Variants in GRIK3 observed in about 807,000 individuals in gnomAD.
GRIK3 encodes glutamate receptor ionotropic, kainate 3.
Under a neutral mutation model 102.5 loss-of-function variants are expected in GRIK3, and 29 were observed. The observed-to-expected ratio is 0.28, with a 90% CI of 0.21 to 0.39. The LOEUF (loss-of-function observed/expected upper bound fraction) is 0.39, where lower values mean the gene tolerates loss of function less well. GRIK3 is among the 10% of genes least tolerant of loss of function. The probability of loss-of-function intolerance (pLI) is 1.00; values close to 1 mark genes in which losing one functional copy is unlikely to be tolerated. For synonymous variants in GRIK3, 511 were observed against 504.9 expected (o/e 1.01, Z -0.16); for missense variants, 908 against 1,252.4 (o/e 0.73, Z 4.15).
At chr1:36,816,686 G>A (rs1041353678) in intron 13 of GRIK3, among the ~76,000 whole-genome samples, 10 of 152,158 alleles carry the variant, frequency 6.6e-5, no homozygotes, top group Non-Finnish European at 1.2e-4. Context: ...GAGATGGACG[G>A]CATTGAGGTC....
intron 1 of GRIK3, among the ~76,000 whole-genome samples, chr1:36,903,852 G>C (rs1641256744): frequency 6.6e-6 from 1 of 152,118 alleles, no homozygotes; most frequent in Admixed American, 6.5e-5. Context: ...AGGATTTTTA[G>C]GGCAGTCAAA....
At chr1:36,821,626 A>G (rs2124193800) in intron 11 of GRIK3, among the ~76,000 whole-genome samples, 1 of 152,338 alleles carries the variant, frequency 6.6e-6, no homozygotes, top group Admixed American at 6.5e-5. Context: ...CCTGGACCAG[A>G]TGGACCCATG....
chr1:36,803,518 C>T (rs1001539530), intron 15 of GRIK3, among the ~76,000 whole-genome samples: 1 of 152,196 alleles, frequency 6.6e-6, no homozygotes, highest in Non-Finnish European at 1.5e-5. Flanking sequence ...GCAACCTCCA[C>T]CTCCTGGGTT....
At chr1:36,802,073 GA>G in intron 15 of GRIK3, 28 bp from the exon 16 acceptor site, 5 of 1,549,458 alleles carry the variant, frequency 3.2e-6, no homozygotes, top group Non-Finnish European at 4.4e-6. Context: ...AGAGGGGTCG[GA>G]AAAGGGGCAC....
At chr1:36,900,984 A>G (rs1030146745) in intron 1 of GRIK3, among the ~76,000 whole-genome samples, 11 of 152,248 alleles carry the variant, frequency 7.2e-5, no homozygotes, top group Non-Finnish European at 1.2e-4. Flanking sequence ...GTCAAAATTC[A>G]TGCAAGAAGA....
chr1:37,004,854 T>C (rs1642515595), intron 1 of GRIK3, among the ~76,000 whole-genome samples: 1 of 152,220 alleles, frequency 6.6e-6, no homozygotes, highest in Admixed American at 6.5e-5. Flanking sequence ...GACCGCTGTG[T>C]TCCCACCTGC....
chr1:36,866,162 G>A (rs759037941), intron 5 of GRIK3, among the ~76,000 whole-genome samples: 3 of 152,248 alleles, frequency 2.0e-5, no homozygotes, highest in Non-Finnish European at 4.4e-5. Flanking sequence ...TTACTGGTGT[G>A]AGCCACAATG....
At chr1:36,902,854 A>G (rs1641246745) in intron 1 of GRIK3, among the ~76,000 whole-genome samples, 1 of 152,048 alleles carries the variant, frequency 6.6e-6, no homozygotes, top group South Asian at 2.1e-4. Context: ...CAGTGGTACA[A>G]CCTTGGCTCA....
At chr1:36,965,053 G>A (rs781418291) in intron 1 of GRIK3, among the ~76,000 whole-genome samples, 3 of 152,180 alleles carry the variant, frequency 2.0e-5, no homozygotes, top group African/African-American at 4.8e-5. Context: ...GCCCAGTGCC[G>A]TGGAGTGGAA....
At chr1:36,961,621 G>A (rs543287350) in intron 1 of GRIK3, among the ~76,000 whole-genome samples, 88 of 152,334 alleles carry the variant, frequency 5.8e-4, no homozygotes, top group Admixed American at 1.1e-3. Context: ...TCTGTGAGAC[G>A]GGAGGGCTCA....
chr1:36,917,708 T>C (rs756676080), intron 1 of GRIK3, among the ~76,000 whole-genome samples: 2 of 152,278 alleles, frequency 1.3e-5, no homozygotes, highest in Non-Finnish European at 2.9e-5. Flanking sequence ...TGTAAGTCCA[T>C]TAAACCTCTT....
intron 10 of GRIK3, among the ~76,000 whole-genome samples, chr1:36,839,055 TC>T (rs1393188392): frequency 6.6e-6 from 1 of 152,164 alleles, no homozygotes; most frequent in Non-Finnish European, 1.5e-5. Context: ...GCTTCTCTGA[TC>T]ACATTCCCTT....
In GRIK3 at chr1:36,859,853, T is replaced by G; in HGVS notation, c.951A>C (p.Gly317=). ...CACCCAGCCGCCTTACCATCATCACTCCATCCAGCAGGCCAGACTCGGACC... is the reference window on the plus strand; with the variant it reads ...CACCCAGCCGCCTTACCATCATCACGCCATCCAGCAGGCCAGACTCGGACC... ...APRSESGLLD[G]VMMTDAALLY... Residue 317 remains glycine, a synonymous_variant, in exon 6 of 16, where the codon GGA becomes GGC. Coordinates refer to ENST00000373091, the MANE Select transcript of GRIK3 (RefSeq NM_000831.4). The G allele has an allele frequency of 6.2e-7, 1 of 1,613,490 alleles. No homozygotes were observed. Among genetic ancestry groups the G allele is most frequent in the Non-Finnish European group, 8.5e-7 (1 of 1,179,568 alleles).
At position 36,890,990 on chromosome 1, in the gene GRIK3, C is replaced by T. The variant is rs1263284400; in HGVS notation, c.222G>A (p.Leu74=). The change falls in exon 2 of 16, where the codon CTG becomes CTA. Residue 74 remains leucine, a synonymous_variant. Coordinates refer to ENST00000373091, the MANE Select transcript of GRIK3 (RefSeq NM_000831.4). ...ANIINRNRTL[L]PNTTLTYDIQ... ...TGTCATAGGTCAAGGTTGTGTTGGGCAGCAGAGTCCTGTTCCTGTTGATGA... is the reference window on the plus strand; with the variant it reads ...TGTCATAGGTCAAGGTTGTGTTGGGTAGCAGAGTCCTGTTCCTGTTGATGA... 2 of 1,613,978 alleles carry T rather than the reference C, an allele frequency of 1.2e-6. No homozygotes were observed. Among genetic ancestry groups the T allele is most frequent in the South Asian group, 1.1e-5 (1 of 91,044 alleles).
At chr1:36,882,445 T>A (rs962409798) in intron 2 of GRIK3, among the ~76,000 whole-genome samples, 3 of 152,130 alleles carry the variant, frequency 2.0e-5, no homozygotes, top group African/African-American at 7.2e-5. Context: ...AAAGGGGACC[T>A]CTTAGAGTCA....
intron 1 of GRIK3, among the ~76,000 whole-genome samples, chr1:37,003,711 T>C (rs1642502442): frequency 6.6e-6 from 1 of 152,198 alleles, no homozygotes; most frequent in South Asian, 2.1e-4. Context: ...AACTTTTCCT[T>C]TGGTCCCCAA....
chr1:36,965,741 G>A (rs540833), intron 1 of GRIK3, among the ~76,000 whole-genome samples: 5,081 of 152,246 alleles, frequency 0.033, 287 homozygotes, highest in African/African-American at 0.12. Flanking sequence ...GAGGTTAAAC[G>A]TTCTCTGTGG....
intron 7 of GRIK3, among the ~76,000 whole-genome samples, chr1:36,855,685 A>T (rs1265359156): frequency 6.6e-6 from 1 of 152,250 alleles, no homozygotes; most frequent in Non-Finnish European, 1.5e-5. Context: ...AGGATGTGAC[A>T]GAGGTTATTA....
intron 1 of GRIK3, among the ~76,000 whole-genome samples, chr1:37,007,835 G>A (rs1451306709): frequency 2.0e-4 from 31 of 152,234 alleles, no homozygotes; most frequent in Admixed American, 2.0e-3. Flanking sequence ...GGGCAGTGAT[G>A]GGACACAGGC....
Sources: allele counts gnomAD v4.1 joint callset (sites outside exome capture counted in the v4.1 genomes callset), GRCh38; gene constraint gnomAD v4.1.1; transcripts MANE v1.5; gene names NCBI Gene and HGNC (gene_info 2026-07-23, HGNC 2026-07-21).